The following SNX6 variants were observed in gnomAD, a reference collection of about 807,000 sequenced individuals.
SNX6 encodes sorting nexin 6, also known as sorting nexin-6.
In SNX6, 34 loss-of-function variants were observed where a neutral mutation model predicts 63.0. The ratio of observed to expected loss-of-function variants is 0.54; its 90% confidence interval spans 0.41 to 0.72. The LOEUF (loss-of-function observed/expected upper bound fraction) is 0.72. Among genes scored for constraint, SNX6 ranks in the 30% least tolerant of loss-of-function variants. The pLI, the probability that SNX6 is intolerant of heterozygous loss-of-function variation, is 0.00. For synonymous variants in SNX6, 170 were observed against 164.2 expected (o/e 1.04, Z -0.27); for missense variants, 398 against 471.4 (o/e 0.84, Z 1.44).
chr14:34,622,379 G>A (rs1450764314), intron 2 of SNX6, among the ~76,000 whole-genome samples: 2 of 151,488 alleles, frequency 1.3e-5, no homozygotes, highest in Non-Finnish European at 2.9e-5. Flanking sequence ...AGGAGATCGA[G>A]ACCTTCCTGG....
intron 2 of SNX6, 37 bp downstream of exon 2, chr14:34,629,870 T>G: frequency 6.4e-7 from 1 of 1,550,548 alleles, no homozygotes; most frequent in Non-Finnish European, 8.7e-7. Flanking sequence ...GGAAGGAGGG[T>G]CCAGGGTCCC....
At chr14:34,575,561 T>C (rs1881659986) in intron 11 of SNX6, 195 bp downstream of exon 11, 1 of 259,764 alleles carries the variant, frequency 3.8e-6, no homozygotes, top group East Asian at 8.4e-5. Flanking sequence ...GAAACTTTTA[T>C]GTAGGGTTTC....
In SNX6 at chr14:34,578,937, C is replaced by CAA. The variant is rs71121210; in HGVS notation, c.834+2622_834+2623dup. 7.4e-3 allele frequency among the ~76,000 whole-genome samples: 166 copies of CAA among 22,550 alleles called. 16 individuals are homozygous for CAA. Among genetic ancestry groups the CAA allele is most frequent in the African/African-American group, 0.017 (158 of 9,094 alleles). 14.8% of individuals were successfully genotyped at this position (22,550 alleles called of 152,430 possible). ...CTGGCGACAGAGCGAGACTTCATCT[C>CAA]AAAAAAAAAAAAAAAAAAAAAAAAA... On this transcript the variant is annotated intron_variant, in intron 10 of 13. Transcript: ENST00000362031.
intron 2 of SNX6, among the ~76,000 whole-genome samples, chr14:34,619,579 GAAC>G (rs1883551021): frequency 6.6e-6 from 1 of 151,834 alleles, no homozygotes; most frequent in Non-Finnish European, 1.5e-5. Context: ...GATTTAAAGT[GAAC>G]AAAAAGCCCT....
chr14:34,574,388 C>A (rs1235269233), intron 11 of SNX6, among the ~76,000 whole-genome samples: 4 of 149,512 alleles, frequency 2.7e-5, no homozygotes, highest in African/African-American at 9.8e-5. Context: ...GTGGCTCATG[C>A]CTGTTAATTC....
At chr14:34,608,184 T>A in intron 3 of SNX6, 44 bp from the exon 4 acceptor site, 2 of 1,207,630 alleles carry the variant, frequency 1.7e-6, no homozygotes, top group Non-Finnish European at 2.4e-6. Flanking sequence ...AAATTTACAC[T>A]AAAAAGTTTT....
intron 6 of SNX6, among the ~76,000 whole-genome samples, chr14:34,601,892 A>G (rs1882830112): frequency 1.3e-5 from 2 of 151,460 alleles, no homozygotes; most frequent in African/African-American, 4.8e-5. Flanking sequence ...ATGAGCCACC[A>G]TGCCTGGCTA....
At chr14:34,563,266 A>G (rs988006685) in intron 13 of SNX6, 91 bp from the exon 14 acceptor site, 28 of 1,310,550 alleles carry the variant, frequency 2.1e-5, no homozygotes, top group Non-Finnish European at 2.7e-5. Context: ...GACATAAAAT[A>G]TAGTGTTAGA....
intron 11 of SNX6, chr14:34,568,940 G>T: frequency 7.5e-7 from 1 of 1,336,502 alleles, no homozygotes; most frequent in Non-Finnish European, 1.1e-6. Flanking sequence ...AGGTACAGGT[G>T]CCACGCTGTG....
At chr14:34,575,196 A>ATTT (rs34881787) in intron 11 of SNX6, among the ~76,000 whole-genome samples, 1 of 111,028 alleles carries the variant, frequency 9.0e-6, no homozygotes, top group Admixed American at 1.0e-4. Flanking sequence ...CCTGGCCTCA[A>ATTT]TTTTTTTTTT....
In SNX6 at chr14:34,573,906, G is replaced by A. The variant is rs145691977; in HGVS notation, c.921+1850C>T. The stretch of plus-strand genomic sequence containing the variant: ...TCCACCCTCCTCAGCCTCTCAAAGT[G>A]CTGGGATTACAGGCATGAGCCACTG... On this transcript the variant is annotated intron_variant, in intron 11 of 13. Coordinates refer to ENST00000362031, the MANE Select transcript of SNX6 (RefSeq NM_152233.4). Among the ~76,000 whole-genome samples, 994 of 152,032 alleles carry A rather than the reference G, an allele frequency of 6.5e-3. 11 individuals carry two copies. Among genetic ancestry groups the A allele is most frequent in the African/African-American group, 0.023 (953 of 41,496 alleles).
intron 2 of SNX6, among the ~76,000 whole-genome samples, chr14:34,616,721 C>G (rs1883431974): frequency 6.6e-6 from 1 of 152,036 alleles, no homozygotes; most frequent in Non-Finnish European, 1.5e-5. Context: ...AGCAAAAAGT[C>G]AATCATTTTA....
chr14:34,563,741 TTC>T (rs1173983700), intron 13 of SNX6, among the ~76,000 whole-genome samples: 1 of 152,112 alleles, frequency 6.6e-6, no homozygotes, highest in Non-Finnish European at 1.5e-5. Flanking sequence ...TAAATTTTTT[TTC>T]TTTTTTTTTT....
At chr14:34,601,980 G>A (rs1281324844) in intron 6 of SNX6, among the ~76,000 whole-genome samples, 2 of 151,972 alleles carry the variant, frequency 1.3e-5, no homozygotes, top group African/African-American at 4.8e-5. Flanking sequence ...CTGAAAAAGT[G>A]TCACTTAAAC....
chr14:34,614,918 CTA>C (rs1883361909), intron 2 of SNX6, among the ~76,000 whole-genome samples: 1 of 152,114 alleles, frequency 6.6e-6, no homozygotes, highest in Non-Finnish European at 1.5e-5. Flanking sequence ...TCCAGATTTC[CTA>C]TCTCTATGTA....
At chr14:34,596,208 T>G (rs1374305531) in intron 7 of SNX6, among the ~76,000 whole-genome samples, 1 of 147,904 alleles carries the variant, frequency 6.8e-6, no homozygotes, top group East Asian at 2.1e-4. Flanking sequence ...AAGAGTGAGA[T>G]TCTGTCTCCA....
chr14:34,598,674 C>T (rs955628257), intron 6 of SNX6, among the ~76,000 whole-genome samples: 2 of 152,162 alleles, frequency 1.3e-5, no homozygotes, highest in African/African-American at 2.4e-5. Context: ...TGAGCCATCA[C>T]GACTGGCCCA....
intron 2 of SNX6, among the ~76,000 whole-genome samples, chr14:34,610,049 G>C (rs1883165097): frequency 6.6e-6 from 1 of 151,944 alleles, no homozygotes; most frequent in African/African-American, 2.4e-5. Context: ...ATTTCAAAAA[G>C]AAAACTCTTT....
intron 2 of SNX6, among the ~76,000 whole-genome samples, chr14:34,611,973 G>A (rs969512885): frequency 3.3e-5 from 5 of 152,038 alleles, no homozygotes; most frequent in Admixed American, 2.6e-4. Context: ...GTAGAGAGGA[G>A]TTTCACCGTG....
Sources: allele counts gnomAD v4.1 joint callset (sites outside exome capture counted in the v4.1 genomes callset), GRCh38; gene constraint gnomAD v4.1.1; transcripts MANE v1.5; gene names NCBI Gene and HGNC (gene_info 2026-07-23, HGNC 2026-07-21).